Variants in TBK1 observed in about 807,000 individuals in gnomAD.
TBK1 encodes the protein TANK binding kinase 1, also known as serine/threonine-protein kinase TBK1.
Under a neutral mutation model 99.9 loss-of-function variants are expected in TBK1, and 37 were observed. The observed-to-expected ratio is 0.37, with a 90% CI of 0.28 to 0.49. The LOEUF is 0.49. TBK1 is among the 20% of genes least tolerant of loss of function. The pLI is 0.98. For synonymous variants in TBK1, 258 were observed against 279.8 expected, an observed-to-expected ratio of 0.92 and a Z score of 0.78; for missense variants, 644 against 872.5, an observed-to-expected ratio of 0.74 and a Z score of 3.30.
At chr12:64,469,958 G>T (rs1423097006) in intron 5 of TBK1, among the ~76,000 whole-genome samples, 1 of 152,100 alleles carries the variant, frequency 6.6e-6, no homozygotes, top group Non-Finnish European at 1.5e-5. Context: ...GCTTGCCAAG[G>T]TTTACTGCTC....
At chr12:64,490,203 C>A in intron 13 of TBK1, 84 bp downstream of exon 13, 3 of 1,003,322 alleles carry the variant, frequency 3.0e-6, no homozygotes, top group South Asian at 1.5e-5. Flanking sequence ...TTCTTAGGAG[C>A]TAGGCATGGT....
intron 19 of TBK1, 58 bp from the exon 20 acceptor site, chr12:64,497,910 A>G: frequency 2.0e-6 from 3 of 1,512,268 alleles, no homozygotes; most frequent in Non-Finnish European, 2.7e-6. Context: ...AAACATAAAC[A>G]TCATTCTAAA....
chr12:64,494,618 T>C (rs1250666156), intron 13 of TBK1, among the ~76,000 whole-genome samples: 1 of 152,062 alleles, frequency 6.6e-6, no homozygotes, highest in Non-Finnish European at 1.5e-5. Context: ...CTGCAAAAAA[T>C]AGATGAGCAC....
At chr12:64,486,061 C>T in intron 11 of TBK1, 44 bp downstream of exon 11, 7 of 1,344,182 alleles carry the variant, frequency 5.2e-6, no homozygotes, top group Non-Finnish European at 7.2e-6. Flanking sequence ...TCATGTAGAC[C>T]TTGCCCCATC....
Position 64,501,555 on chromosome 12 carries a change from G to A in TBK1, c.*174G>A. The A allele has an allele frequency of 6.8e-6, 4 of 587,988 alleles. No individual in the cohort carries two copies. The highest frequency in any genetic ancestry group is 3.1e-5 in the East Asian group (1 of 32,308). 36.4% of individuals were successfully genotyped at this position (587,988 alleles called of 1,614,324 possible). ...AAAAATATACAAATTTTTGGCTGCT[G>A]TGAAGATGTAATTTTATCTTTTAAC... is the stretch of plus-strand genomic sequence containing the variant. On this transcript the variant is annotated 3_prime_UTR_variant, in exon 21 of 21. Transcript: ENST00000331710.
intron 1 of TBK1, among the ~76,000 whole-genome samples, 181 bp from the exon 2 acceptor site, chr12:64,455,659 A>G (rs967131857): frequency 6.6e-6 from 1 of 152,258 alleles, no homozygotes; most frequent in Non-Finnish European, 1.5e-5. Flanking sequence ...ATACCATATC[A>G]GTTAGCAACT....
chr12:64,494,200 A>T (rs953730607), intron 13 of TBK1, among the ~76,000 whole-genome samples: 1 of 152,042 alleles, frequency 6.6e-6, no homozygotes, highest in African/African-American at 2.4e-5. Context: ...AGTGGCTCAT[A>T]CCTGTAATCC....
intron 13 of TBK1, among the ~76,000 whole-genome samples, chr12:64,493,019 C>G (rs2040886841): frequency 6.6e-6 from 1 of 151,786 alleles, no homozygotes; most frequent in African/African-American, 2.4e-5. Context: ...CCTCAGCCTC[C>G]CGAGTAGCTG....
chr12:64,482,588 C>G (rs527754001), intron 8 of TBK1, among the ~76,000 whole-genome samples: 5 of 152,194 alleles, frequency 3.3e-5, no homozygotes, highest in African/African-American at 9.6e-5. Context: ...CAATGATGGA[C>G]CATATATACA....
intron 20 of TBK1, among the ~76,000 whole-genome samples, chr12:64,500,962 T>C (rs1206039485): frequency 6.6e-6 from 1 of 152,046 alleles, no homozygotes; most frequent in Non-Finnish European, 1.5e-5. Context: ...TTTTGCCATA[T>C]TGGCCAGGCC....
chr12:64,465,348 A>C (rs1416513104), intron 4 of TBK1, among the ~76,000 whole-genome samples: 2 of 152,082 alleles, frequency 1.3e-5, no homozygotes, highest in Non-Finnish European at 2.9e-5. Context: ...TCTAGAAAAC[A>C]GTCTAGAGTT....
intron 12 of TBK1, 115 bp downstream of exon 12, chr12:64,488,703 A>T (rs1369391003): frequency 1.3e-6 from 1 of 780,466 alleles, no homozygotes; most frequent in East Asian, 3.2e-5. Context: ...GTTTCTATTA[A>T]AGATCAGCGG....
intron 1 of TBK1, among the ~76,000 whole-genome samples, chr12:64,453,756 T>C (rs2040454924): frequency 6.6e-6 from 1 of 152,220 alleles, no homozygotes; most frequent in African/African-American, 2.4e-5. Flanking sequence ...AGTGTTTATG[T>C]TATGTTAGCA....
chr12:64,474,594 T>C (rs570508839), intron 6 of TBK1, among the ~76,000 whole-genome samples: 8 of 152,348 alleles, frequency 5.3e-5, no homozygotes, highest in African/African-American at 1.9e-4. Context: ...TTAAATATCT[T>C]ATATACACAG....
intron 6 of TBK1, among the ~76,000 whole-genome samples, chr12:64,478,539 T>A (rs561519648): frequency 3.4e-4 from 52 of 152,334 alleles, no homozygotes; most frequent in African/African-American, 1.2e-3. Flanking sequence ...CTCAAAAAAT[T>A]GAGGGAGAAG....
chr12:64,464,691 A>G (rs1336863735), intron 4 of TBK1, among the ~76,000 whole-genome samples: 1 of 152,170 alleles, frequency 6.6e-6, no homozygotes, highest in Non-Finnish European at 1.5e-5. Context: ...AATGAGAAAA[A>G]AATGTTTGTA....
chr12:64,474,200 A>G (rs2040689982), intron 5 of TBK1, 30 bp from the exon 6 acceptor site: 6 of 1,584,806 alleles, frequency 3.8e-6, no homozygotes, highest in Non-Finnish European at 5.1e-6. Flanking sequence ...TCACAGGTTC[A>G]TGATTTTTTT....
intron 18 of TBK1, 38 bp downstream of exon 18, chr12:64,497,297 C>T: frequency 7.4e-7 from 1 of 1,357,428 alleles, no homozygotes; most frequent in South Asian, 1.5e-5. Flanking sequence ...AAATTCTTCT[C>T]AGTTTATAAC....
intron 1 of TBK1, among the ~76,000 whole-genome samples, chr12:64,454,706 T>A (rs1202456129): frequency 2.4e-5 from 3 of 125,686 alleles, no homozygotes; most frequent in Non-Finnish European, 4.8e-5. Context: ...AGACGGAGTC[T>A]CGCTGTGTCA....
Sources: allele counts gnomAD v4.1 joint callset (sites outside exome capture counted in the v4.1 genomes callset), GRCh38; gene constraint gnomAD v4.1.1; transcripts MANE v1.5; gene names NCBI Gene and HGNC (gene_info 2026-07-23, HGNC 2026-07-21).